FEZ2: variants seen among roughly 807,000 people sequenced by gnomAD.
The protein encoded by FEZ2 is fasciculation and elongation protein zeta 2, also known as fasciculation and elongation protein zeta-2.
Under a neutral mutation model 40.4 loss-of-function variants are expected in FEZ2, and 51 were observed. The ratio of observed to expected loss-of-function variants is 1.26; its 90% CI spans 1.01 to 1.59. The LOEUF is 1.59. FEZ2 is among the 40% of genes most tolerant of loss of function. The pLI is 0.00. For synonymous variants in FEZ2, 242 were observed against 172.0 expected (o/e 1.41, Z -3.18); for missense variants, 640 against 438.3 (o/e 1.46, Z -4.11).
chr2:36,568,777 T>C (rs1339359377), intron 5 of FEZ2, among the ~76,000 whole-genome samples: 1 of 152,234 alleles, frequency 6.6e-6, no homozygotes, highest in East Asian at 1.9e-4. Context: ...GTATTTACGC[T>C]GAGAATACTC....
chr2:36,562,252 T>G (rs1319810776), intron 5 of FEZ2, among the ~76,000 whole-genome samples: 1 of 152,230 alleles, frequency 6.6e-6, no homozygotes, highest in Non-Finnish European at 1.5e-5. Context: ...TTTTCATGAA[T>G]TTATATTTTT....
intron 1 of FEZ2, among the ~76,000 whole-genome samples, chr2:36,595,101 A>G (rs1001858624): frequency 9.2e-5 from 14 of 152,218 alleles, no homozygotes; most frequent in South Asian, 2.1e-4. Context: ...GAATACTCTT[A>G]TAAGTAAAAC....
intron 6 of FEZ2, chr2:36,557,631 T>G (rs1163268072): frequency 6.6e-6 from 1 of 152,168 alleles, no homozygotes; most frequent in Non-Finnish European, 1.5e-5. Flanking sequence ...AACGGCTAAT[T>G]GATAGTAACT....
At chr2:36,593,894 A>G (rs1042953914) in intron 1 of FEZ2, among the ~76,000 whole-genome samples, 1 of 149,922 alleles carries the variant, frequency 6.7e-6, no homozygotes, top group Non-Finnish European at 1.5e-5. Context: ...CCAAACTTTT[A>G]TGCTCTGCTT....
intron 5 of FEZ2, among the ~76,000 whole-genome samples, chr2:36,566,452 T>C (rs1246701222): frequency 6.6e-6 from 1 of 151,866 alleles, no homozygotes; most frequent in East Asian, 1.9e-4. Context: ...TAATTTTTCA[T>C]AAATTCAACT....
At position 36,581,445 on chromosome 2, in the gene FEZ2, C is replaced by G; in HGVS notation, c.493-14G>C. On this transcript the variant is annotated splice_polypyrimidine_tract_variant and intron_variant, in intron 3 of 7. Coordinates refer to ENST00000405912, the MANE Select transcript of FEZ2 (RefSeq NM_005102.3). ...TTCTTCAATAACCTTCGAAAACACA[C>G]ACACCACTGTTAATCAAATATACAA... The G allele has an allele frequency of 2.5e-6, 4 of 1,611,462 alleles. No individual in the cohort carries two copies. Among genetic ancestry groups the G allele is most frequent in the Non-Finnish European group, 2.5e-6 (3 of 1,177,718 alleles).
intron 5 of FEZ2, 147 bp downstream of exon 5, chr2:36,578,450 C>G: frequency 4.7e-6 from 4 of 858,740 alleles, no homozygotes; most frequent in Non-Finnish European, 7.4e-6. Context: ...CAGCGGTATT[C>G]TGGAATAAAA....
chr2:36,553,198 T>G lies in FEZ2; in HGVS notation c.1046-19A>C. The G allele has an allele frequency of 1.3e-6, 2 of 1,531,696 alleles. No individual in the cohort carries two copies. The highest frequency in any genetic ancestry group is 8.9e-7 in the Non-Finnish European group (1 of 1,127,316). The allele number at this position is 1,531,696 out of a possible 1,614,324, so 94.9% of individuals were successfully genotyped here. Reference sequence around the variant, plus strand: ...CACAGAACTAGAAGAAAAAGAGAACTTTTAGCTACAAATGTATATTTTGTA... The same window carrying G: ...CACAGAACTAGAAGAAAAAGAGAACGTTTAGCTACAAATGTATATTTTGTA... On this transcript the variant is annotated intron_variant, in intron 7 of 7. Coordinates refer to ENST00000405912, the MANE Select transcript of FEZ2 (RefSeq NM_005102.3).
At chr2:36,560,885 G>A in intron 5 of FEZ2, 3 of 1,522,396 alleles carry the variant, frequency 2.0e-6, no homozygotes, top group Admixed American at 1.8e-5. Flanking sequence ...GCAATATACG[G>A]CCCAGAAGAA....
At chr2:36,563,076 A>C (rs1668134717) in intron 5 of FEZ2, among the ~76,000 whole-genome samples, 1 of 152,214 alleles carries the variant, frequency 6.6e-6, no homozygotes. Flanking sequence ...CACTAGAAAA[A>C]ACAAAAGTTG....
intron 3 of FEZ2, among the ~76,000 whole-genome samples, chr2:36,582,626 A>G (rs911851726): frequency 6.6e-6 from 1 of 152,164 alleles, no homozygotes; most frequent in South Asian, 2.1e-4. Flanking sequence ...TTCAACCACA[A>G]ATATGACTAA....
At chr2:36,585,449 G>A (rs1668874254) in intron 2 of FEZ2, among the ~76,000 whole-genome samples, 2 of 152,086 alleles carry the variant, frequency 1.3e-5, no homozygotes, top group Admixed American at 1.3e-4. Flanking sequence ...CTACACTAGA[G>A]AGTAACATTC....
intron 2 of FEZ2, among the ~76,000 whole-genome samples, chr2:36,588,716 T>C (rs1668980307): frequency 6.6e-6 from 1 of 152,134 alleles, no homozygotes; most frequent in African/African-American, 2.4e-5. Flanking sequence ...AGTTATATTG[T>C]ATCGGTTTTC....
intron 3 of FEZ2, among the ~76,000 whole-genome samples, chr2:36,583,123 A>C (rs758756874): frequency 6.6e-6 from 1 of 152,188 alleles, no homozygotes; most frequent in African/African-American, 2.4e-5. Context: ...ACCTTGCTAT[A>C]ATCTTCAACA....
At chr2:36,573,841 C>G (rs1418027222) in intron 5 of FEZ2, among the ~76,000 whole-genome samples, 2 of 152,228 alleles carry the variant, frequency 1.3e-5, no homozygotes, top group African/African-American at 4.8e-5. Flanking sequence ...TTCAAAAGCT[C>G]TTAATATCTC....
chr2:36,591,590 T>C (rs1669073734), intron 1 of FEZ2: 1 of 152,600 alleles, frequency 6.6e-6, no homozygotes, highest in Non-Finnish European at 1.5e-5. Context: ...AATATCTAAT[T>C]TGTAATAAAG....
intron 5 of FEZ2, among the ~76,000 whole-genome samples, chr2:36,562,052 C>T (rs1668107362): frequency 1.3e-5 from 2 of 152,178 alleles, no homozygotes; most frequent in Non-Finnish European, 2.9e-5. Context: ...CTCATTCTCT[C>T]ATGACTTACA....
At position 36,567,909 on chromosome 2, in the gene FEZ2, T is replaced by C. The variant is rs189421522; in HGVS notation, c.904-9396A>G. Among the ~76,000 whole-genome samples, 535 of 152,316 alleles carry C rather than the reference T, an allele frequency of 3.5e-3. 1 individual carries two copies. The highest frequency in any genetic ancestry group is 5.4e-3 in the Non-Finnish European group (369 of 68,030). ...AGGAAACGAGCTGTGTAGAGCATAC[T>C]GTGCATTCTGTTTTATAGCTGCCCT... On this transcript the variant is annotated intron_variant, in intron 5 of 7. Coordinates refer to ENST00000405912, the MANE Select transcript of FEZ2 (RefSeq NM_005102.3).
At chr2:36,563,686 G>A (rs1046893280) in intron 5 of FEZ2, among the ~76,000 whole-genome samples, 10 of 152,014 alleles carry the variant, frequency 6.6e-5, no homozygotes, top group Admixed American at 2.6e-4. Context: ...ACAGCATCCC[G>A]AAATTCTCAA....
Sources: allele counts gnomAD v4.1 joint callset (sites outside exome capture counted in the v4.1 genomes callset), GRCh38; gene constraint gnomAD v4.1.1; transcripts MANE v1.5; gene names NCBI Gene and HGNC (gene_info 2026-07-23, HGNC 2026-07-21).